Variants in CEP112 observed in about 807,000 individuals in gnomAD.
The protein encoded by CEP112 is centrosomal protein 112, also known as centrosomal protein of 112 kDa.
A neutral mutation model predicts 153.0 loss-of-function variants in CEP112; 127 were observed. The ratio of observed to expected loss-of-function variants is 0.83; its 90% CI spans 0.72 to 0.96. CEP112 has a LOEUF of 0.96. Ranked by LOEUF, CEP112 falls within the 40% of genes least tolerant of loss-of-function variation. The probability of loss-of-function intolerance (pLI) is 0.00; values close to 1 mark genes in which losing one functional copy is unlikely to be tolerated. For synonymous variants in CEP112, 358 were observed against 374.4 expected (o/e 0.96, Z 0.51); for missense variants, 1,089 against 1,101.2 (o/e 0.99, Z 0.16).
chr17:66,029,292 A>G (rs2065359578), intron 13 of CEP112, 40 bp from the exon 14 acceptor site: 1 of 1,561,112 alleles, frequency 6.4e-7, no homozygotes, highest in Admixed American at 1.9e-5. Context: ...AATGTATTTA[A>G]AACCAATCTC....
chr17:66,092,364 C>CACACACACACACAGAT (rs2068174720), intron 8 of CEP112, among the ~76,000 whole-genome samples: 1 of 150,454 alleles, frequency 6.6e-6, no homozygotes, highest in South Asian at 2.1e-4. Context: ...TAAACACACA[C>CACACACACACACAGAT]ACACACACAC....
At chr17:65,861,058 T>C (rs933864463) in intron 20 of CEP112, among the ~76,000 whole-genome samples, 2 of 152,200 alleles carry the variant, frequency 1.3e-5, no homozygotes, top group African/African-American at 4.8e-5. Flanking sequence ...AGCACATCTA[T>C]AGAGATAGAT....
chr17:66,183,700 CA>C (rs2072811491), intron 1 of CEP112, among the ~76,000 whole-genome samples: 1 of 151,734 alleles, frequency 6.6e-6, no homozygotes, highest in African/African-American at 2.4e-5. Context: ...TGATTTTCAA[CA>C]AAGGTGTGAT....
intron 24 of CEP112, chr17:65,644,459 C>T (rs1340792853): frequency 1.0e-5 from 4 of 387,990 alleles, no homozygotes; most frequent in Non-Finnish European, 1.9e-5. Context: ...CTTGAGGATT[C>T]GGTCTTCTCA....
intron 16 of CEP112, among the ~76,000 whole-genome samples, chr17:66,025,415 A>T (rs1376476507): frequency 6.6e-6 from 1 of 152,046 alleles, no homozygotes. Flanking sequence ...TTTACAAGGA[A>T]CTCAAACAAC....
chr17:66,019,030 CTTA>C (rs1366580504), intron 16 of CEP112, among the ~76,000 whole-genome samples: 1 of 152,132 alleles, frequency 6.6e-6, no homozygotes, highest in Non-Finnish European at 1.5e-5. Flanking sequence ...CGGTTTACTA[CTTA>C]TTATTTGTTT....
rs3055983 is a variant in CEP112 at position 65,996,129 on chromosome 17, CGTGTGTGT to C, written c.1736+9553_1736+9560del. Among the ~76,000 whole-genome samples, 1,141 of 145,676 alleles carry C rather than the reference CGTGTGTGT, an allele frequency of 7.8e-3. 7 individuals carry two copies. The highest frequency in any genetic ancestry group is 0.021 in the Middle Eastern group (6 of 286). On this transcript the variant is annotated intron_variant, in intron 17 of 26. Transcript: ENST00000535342. ...ATCCTACACCATGGGGAAAAATATA[CGTGTGTGT>C]GTGTGTGTGTGTGTGTGTGTGTGTG... is the stretch of plus-strand genomic sequence containing the variant.
chr17:65,840,176 T>C (rs542036594), intron 21 of CEP112, among the ~76,000 whole-genome samples: 2 of 152,236 alleles, frequency 1.3e-5, no homozygotes, highest in African/African-American at 4.8e-5. Flanking sequence ...AAAATTTGTA[T>C]GGAACCACAG....
At chr17:65,752,963 A>G (rs952077537) in intron 21 of CEP112, among the ~76,000 whole-genome samples, 5 of 152,196 alleles carry the variant, frequency 3.3e-5, no homozygotes, top group Non-Finnish European at 7.3e-5. Flanking sequence ...CAGGCTGGAC[A>G]CTAGGATTTT....
intron 21 of CEP112, among the ~76,000 whole-genome samples, chr17:65,753,526 G>A (rs2052021076): frequency 6.6e-6 from 1 of 152,038 alleles, no homozygotes; most frequent in Non-Finnish European, 1.5e-5. Flanking sequence ...AATAGAGAGG[G>A]CATGTGACTA....
intron 17 of CEP112, among the ~76,000 whole-genome samples, chr17:65,991,184 T>C (rs115671479): frequency 9.6e-4 from 146 of 152,330 alleles, no homozygotes; most frequent in Middle Eastern, 3.4e-3. Flanking sequence ...ATAATTTAAC[T>C]ATAATATAAT....
At chr17:66,074,874 A>AG (rs1431534058) in intron 8 of CEP112, among the ~76,000 whole-genome samples, 4,515 of 126,304 alleles carry the variant, frequency 0.036, 64 homozygotes, top group South Asian at 0.054. Context: ...AAAAAAAAAG[A>AG]AAAAAAAAAA....
intron 23 of CEP112, among the ~76,000 whole-genome samples, chr17:65,690,737 G>C (rs150682179): frequency 6.6e-4 from 100 of 152,328 alleles, no homozygotes; most frequent in African/African-American, 2.4e-3. Context: ...TGGTATGTTT[G>C]TGGAAGCCAT....
chr17:65,907,853 C>A (rs9303490), intron 19 of CEP112, among the ~76,000 whole-genome samples: 26,862 of 152,210 alleles, frequency 0.18, 2,545 homozygotes, highest in Admixed American at 0.28. Flanking sequence ...AAGGTAAACA[C>A]AAAGTAGCAC....
At position 66,181,051 on chromosome 17, in the gene CEP112, T is replaced by C. The variant is rs1453625038; in HGVS notation, c.106+2143A>G. Among the ~76,000 whole-genome samples the C allele has an allele frequency of 4.6e-5, 7 of 152,298 alleles. No homozygotes were observed. The East Asian group carries it at 1.4e-3, about 29-fold the overall frequency. On this transcript the variant is annotated intron_variant, in intron 2 of 26. Coordinates refer to ENST00000535342, the MANE Select transcript of CEP112 (RefSeq NM_001199165.4). ...AACTTAAGTAAATAGTTTTTCAATC[T>C]ACATACTTTCCACATCCCATAGCAA... is the stretch of plus-strand genomic sequence containing the variant.
intron 4 of CEP112, among the ~76,000 whole-genome samples, chr17:66,146,937 C>T (rs141907045): frequency 8.6e-4 from 131 of 152,160 alleles, no homozygotes; most frequent in African/African-American, 3.0e-3. Flanking sequence ...GCTTCTACCT[C>T]CTGACTATTG....
intron 11 of CEP112, among the ~76,000 whole-genome samples, chr17:66,059,304 G>C (rs1268158136): frequency 2.0e-5 from 3 of 151,930 alleles, no homozygotes; most frequent in Admixed American, 1.3e-4. Context: ...TGGACAAGTG[G>C]GACGTAATTA....
intron 6 of CEP112, among the ~76,000 whole-genome samples, chr17:66,100,322 C>T (rs1030146314): frequency 6.6e-6 from 1 of 150,808 alleles, no homozygotes; most frequent in African/African-American, 2.4e-5. Context: ...ATGGCATGAA[C>T]CCTGGAGGCG....
intron 23 of CEP112, among the ~76,000 whole-genome samples, chr17:65,709,644 T>A (rs1363103383): frequency 6.6e-6 from 1 of 152,110 alleles, no homozygotes; most frequent in Non-Finnish European, 1.5e-5. Context: ...CAAAACCATA[T>A]CAATATTCAA....
Sources: allele counts gnomAD v4.1 joint callset (sites outside exome capture counted in the v4.1 genomes callset), GRCh38; gene constraint gnomAD v4.1.1; transcripts MANE v1.5; gene names NCBI Gene and HGNC (gene_info 2026-07-23, HGNC 2026-07-21).